MTMR10: variants seen among roughly 807,000 people sequenced by gnomAD.
MTMR10 encodes the protein myotubularin related protein 10.
A neutral mutation model predicts 88.1 loss-of-function variants in MTMR10; 56 were observed. The ratio of observed to expected loss-of-function variants is 0.64; its 90% CI spans 0.51 to 0.79. The LOEUF (loss-of-function observed/expected upper bound fraction) is 0.79, where lower values mean the gene tolerates loss of function less well. MTMR10 is among the 30% of genes least tolerant of loss of function. The pLI, the probability that MTMR10 is intolerant of heterozygous loss-of-function variation, is 0.00. For missense variants in MTMR10, 883 were observed against 924.7 expected, an observed-to-expected ratio of 0.95 and a Z score of 0.58; for synonymous variants, 380 against 340.9, an observed-to-expected ratio of 1.11 and a Z score of -1.26.
chr15:30,935,756 TTTATG>T (rs1011217489), downstream of MTMR10, among the ~76,000 whole-genome samples: 17 of 151,886 alleles, frequency 1.1e-4, no homozygotes, highest in Non-Finnish European at 1.9e-4. Flanking sequence ...TGCAATGAAT[TTTATG>T]TTGACAGTTA....
intron 14 of MTMR10, among the ~76,000 whole-genome samples, chr15:30,944,499 G>A (rs947105990): frequency 6.6e-6 from 1 of 151,054 alleles, no homozygotes; most frequent in African/African-American, 2.4e-5. Context: ...CTGGAAGGCA[G>A]AGGTTGCAGT....
At chr15:30,952,652 C>A (rs1331147147) in intron 11 of MTMR10, among the ~76,000 whole-genome samples, 1 of 152,186 alleles carries the variant, frequency 6.6e-6, no homozygotes, top group Non-Finnish European at 1.5e-5. Flanking sequence ...TGCCACCATG[C>A]CTGGCTAGTT....
chr15:30,929,862 AAT>A, the MTMR10 span, among the ~76,000 whole-genome samples: 836 of 60,336 alleles, frequency 0.014, 132 homozygotes, highest in African/African-American at 0.032. Context: ...TATCATATAT[AAT>A]ATATATAAAA....
chr15:30,984,037 A>C (rs1482679126), intron 2 of MTMR10, among the ~76,000 whole-genome samples: 1 of 152,240 alleles, frequency 6.6e-6, no homozygotes, highest in Non-Finnish European at 1.5e-5. Flanking sequence ...AACAGTAACA[A>C]GGTCCTAAAT....
intron 12 of MTMR10, chr15:30,949,264 A>G (rs921946998): frequency 1.3e-5 from 2 of 152,238 alleles, no homozygotes; most frequent in Non-Finnish European, 2.9e-5. Flanking sequence ...TTCACTGGTG[A>G]AAGACTGGAT....
At chr15:30,922,653 G>T in the MTMR10 span, among the ~76,000 whole-genome samples, 1 of 152,316 alleles carries the variant, frequency 6.6e-6, no homozygotes, top group Non-Finnish European at 1.5e-5. Flanking sequence ...GGGAGAGTCA[G>T]ATGACTCAGC....
chr15:30,941,867 A>G lies in MTMR10; in HGVS notation c.1937T>C (p.Leu646Pro). 6.2e-7 allele frequency: 1 copy of G among 1,614,072 alleles called. No homozygotes were observed. Among genetic ancestry groups the G allele is most frequent in the African/African-American group, 1.3e-5 (1 of 75,060 alleles). ...TATGTGTGTTCCAGAGACACGTGGCAGAATAACACCGTGCAGGTTGGCGGG... is the reference window on the plus strand; with the variant it reads ...TATGTGTGTTCCAGAGACACGTGGCGGAATAACACCGTGCAGGTTGGCGGG... ...SKPANLHGVI[L>P]PRVSGTHIKL... Residue 646 changes from leucine to proline, a missense_variant, in exon 16 of 16, where the codon CTG becomes CCG. Coordinates refer to ENST00000435680, the MANE Select transcript of MTMR10 (RefSeq NM_017762.3).
At chr15:30,962,345 G>C (rs537447194) in intron 6 of MTMR10, among the ~76,000 whole-genome samples, 1 of 152,314 alleles carries the variant, frequency 6.6e-6, no homozygotes, top group East Asian at 1.9e-4. Context: ...TTCTGCTGCA[G>C]GCTGCAACTG....
At chr15:30,927,176 T>A in the MTMR10 span, 1 of 965,768 alleles carries the variant, frequency 1.0e-6, no homozygotes. Context: ...GCCACTGCAC[T>A]CCAGTCTGGG....
intron 9 of MTMR10, among the ~76,000 whole-genome samples, chr15:30,957,258 G>A (rs1431807035): frequency 6.6e-6 from 1 of 152,132 alleles, no homozygotes; most frequent in Non-Finnish European, 1.5e-5. Context: ...CTCATCTCAT[G>A]GAGTAAAAAC....
chr15:30,959,756 T>G (rs572556467), intron 7 of MTMR10, among the ~76,000 whole-genome samples: 1 of 152,340 alleles, frequency 6.6e-6, no homozygotes, highest in South Asian at 2.1e-4. Flanking sequence ...TTTCTAGAAC[T>G]GTACTAGAAG....
At chr15:30,975,266 C>G (rs1180135267) in intron 3 of MTMR10, among the ~76,000 whole-genome samples, 1 of 152,090 alleles carries the variant, frequency 6.6e-6, no homozygotes, top group Non-Finnish European at 1.5e-5. Flanking sequence ...TCTGGATAAG[C>G]TGGCCACAAC....
rs143252819 is a variant in MTMR10 at position 30,940,956 on chromosome 15, C to G, written c.*514G>C. ...GATCTAAGGTTCCAAAGAAGGTGAT[C>G]TAAAATCATAAATTCTGGCCCCAGA... On this transcript the variant is annotated 3_prime_UTR_variant, in exon 16 of 16. Transcript: ENST00000435680. 60 of 1,093,012 alleles carry G rather than the reference C, an allele frequency of 5.5e-5. No individual in the cohort carries two copies. The African/African-American group carries it at 9.8e-4, about 18-fold the overall frequency. The allele number at this position is 1,093,012 out of a possible 1,614,324, so 67.7% of individuals were successfully genotyped here.
In MTMR10 at chr15:30,941,089, A is replaced by G; in HGVS notation, c.*381T>C. On this transcript the variant is annotated 3_prime_UTR_variant, in exon 16 of 16. Transcript: ENST00000435680. Reference sequence around the variant, plus strand: ...TGGAGGTTTTATCAGATGCTCCTAAAAATGACACGAAACACAAATTTCCTA... The same window carrying G: ...TGGAGGTTTTATCAGATGCTCCTAAGAATGACACGAAACACAAATTTCCTA... 8.2e-7 allele frequency: 1 copy of G among 1,222,090 alleles called. No homozygotes were observed. The highest frequency in any genetic ancestry group is 1.0e-6 in the Non-Finnish European group (1 of 960,588). The allele number at this position is 1,222,090 out of a possible 1,614,324, so 75.7% of individuals were successfully genotyped here. A position where few individuals can be genotyped will look rare whatever the true frequency, so the allele number is the denominator to read the frequency against.
chr15:30,951,808 G>A (rs780662109), intron 12 of MTMR10, among the ~76,000 whole-genome samples, 160 bp downstream of exon 12: 17 of 152,152 alleles, frequency 1.1e-4, no homozygotes, highest in Non-Finnish European at 2.2e-4. Context: ...CTGTGCCACT[G>A]TTTTACTCAA....
the MTMR10 span, among the ~76,000 whole-genome samples, chr15:30,933,729 G>C: frequency 6.6e-6 from 1 of 151,596 alleles, no homozygotes; most frequent in Non-Finnish European, 1.5e-5. Flanking sequence ...TGATATCTCT[G>C]ATTATAATTG....
intron 13 of MTMR10, among the ~76,000 whole-genome samples, chr15:30,947,638 A>C (rs1025394112): frequency 9.9e-5 from 15 of 152,152 alleles, no homozygotes; most frequent in African/African-American, 3.1e-4. Flanking sequence ...ACAAAACAAA[A>C]CCATCAACCA....
the MTMR10 span, chr15:30,927,002 G>C: frequency 1.0e-6 from 1 of 985,444 alleles, no homozygotes; most frequent in Non-Finnish European, 1.2e-6. Flanking sequence ...CAAATGCACA[G>C]CATGGACCAC....
At chr15:30,947,683 A>C (rs576195422) in intron 13 of MTMR10, among the ~76,000 whole-genome samples, 1 of 152,360 alleles carries the variant, frequency 6.6e-6, no homozygotes, top group South Asian at 2.1e-4. Context: ...CTGTAGGCTC[A>C]GCATCCAGAA....
Sources: allele counts gnomAD v4.1 joint callset (sites outside exome capture counted in the v4.1 genomes callset), GRCh38; gene constraint gnomAD v4.1.1; transcripts MANE v1.5; gene names NCBI Gene and HGNC (gene_info 2026-07-23, HGNC 2026-07-21).